EFCAB5: variants seen among roughly 807,000 people sequenced by gnomAD.
The protein encoded by EFCAB5 is EF-hand calcium binding domain 5.
EFCAB5 carries 131 observed loss-of-function variants against 167.9 expected under a neutral mutation model. The observed-to-expected ratio is 0.78, with a 90% CI of 0.68 to 0.90. EFCAB5 has a LOEUF of 0.90. EFCAB5 is among the 40% of genes least tolerant of loss of function. The pLI, the probability that EFCAB5 is intolerant of heterozygous loss-of-function variation, is 0.00. For synonymous variants in EFCAB5, 574 were observed against 602.8 expected (o/e 0.95, Z 0.70); for missense variants, 1,663 against 1,745.2 (o/e 0.95, Z 0.84).
At position 30,054,016 on chromosome 17, in the gene EFCAB5, A is replaced by G. The variant is rs1191514260; in HGVS notation, c.2062A>G (p.Ile688Val). ...ILKSTKYGEP[I>V]TSEYIEVPLQ... Reference sequence around the variant, plus strand: ...AAAAAGTACAAAATATGGGGAACCTATAACCTCTGAGTACATTGAAGTCCC... The same window carrying G: ...AAAAAGTACAAAATATGGGGAACCTGTAACCTCTGAGTACATTGAAGTCCC... Residue 688 changes from isoleucine (I) to valine (V), a missense_variant, in exon 10 of 23, where the codon ATA becomes GTA. Coordinates refer to ENST00000394835, the MANE Select transcript of EFCAB5 (RefSeq NM_198529.4). 3.7e-6 allele frequency: 6 copies of G among 1,609,464 alleles called. No individual in the cohort carries two copies. Among genetic ancestry groups the G allele is most frequent in the Non-Finnish European group, 5.1e-6 (6 of 1,177,358 alleles).
At chr17:29,982,341 G>T (rs1471597112) in intron 4 of EFCAB5, among the ~76,000 whole-genome samples, 1 of 152,014 alleles carries the variant, frequency 6.6e-6, no homozygotes, top group Non-Finnish European at 1.5e-5. Context: ...AGGTTGCAGT[G>T]AGCCAAGCAC....
chr17:30,051,903 T>C (rs1302619129), intron 9 of EFCAB5, among the ~76,000 whole-genome samples: 2 of 152,220 alleles, frequency 1.3e-5, no homozygotes, highest in African/African-American at 4.8e-5. Flanking sequence ...AAGCATTTAC[T>C]TATACAGTAA....
intron 18 of EFCAB5, among the ~76,000 whole-genome samples, chr17:30,086,087 C>T (rs558902541): frequency 5.3e-5 from 8 of 152,152 alleles, no homozygotes; most frequent in Admixed American, 2.0e-4. Context: ...CCTTGAACTC[C>T]GAGACTCAAG....
chr17:30,036,289 CAT>C (rs1387652081), intron 8 of EFCAB5, among the ~76,000 whole-genome samples: 1 of 121,836 alleles, frequency 8.2e-6, no homozygotes, highest in Non-Finnish European at 1.6e-5. Context: ...ATATAATACA[CAT>C]ATATAATATA....
chr17:30,090,047 C>T (rs575326436), intron 19 of EFCAB5, among the ~76,000 whole-genome samples: 67 of 152,322 alleles, frequency 4.4e-4, no homozygotes, highest in Middle Eastern at 3.4e-3. Flanking sequence ...GGGAACCCGA[C>T]CTAACACACT....
intron 4 of EFCAB5, among the ~76,000 whole-genome samples, chr17:29,981,710 T>C (rs1597616387): frequency 6.6e-6 from 1 of 152,192 alleles, no homozygotes; most frequent in African/African-American, 2.4e-5. Context: ...TTTTATTTTA[T>C]TTTTGCTTTT....
chr17:30,050,542 GCCTC>G (rs1184499973), intron 8 of EFCAB5, among the ~76,000 whole-genome samples: 4 of 152,106 alleles, frequency 2.6e-5, no homozygotes, highest in Non-Finnish European at 5.9e-5. Flanking sequence ...ATATCCTCTG[GCCTC>G]AGCCTCTGGA....
rs369007801 is a variant in EFCAB5 at position 29,936,500 on chromosome 17, T to C, written c.-126-5740T>C. Among the ~76,000 whole-genome samples the C allele has an allele frequency of 2.8e-4, 43 of 152,230 alleles. 1 individual carries two copies. The highest frequency in any genetic ancestry group is 9.9e-4 in the African/African-American group (41 of 41,536). On this transcript the variant is annotated intron_variant, in intron 1 of 3. Transcript: ENST00000448319. ...ATCGGGATAGACAAGAAGGAGCAAG[T>C]CTCTTGTCTTCCCTTCAGGTATGGG...
At chr17:30,065,238 G>T (rs574467981) in intron 14 of EFCAB5, among the ~76,000 whole-genome samples, 1 of 152,148 alleles carries the variant, frequency 6.6e-6, no homozygotes, top group East Asian at 1.9e-4. Context: ...AAGGAACAAA[G>T]GATATAGAAA....
upstream of EFCAB5, among the ~76,000 whole-genome samples, chr17:29,940,715 T>C (rs145047762): frequency 3.1e-3 from 465 of 152,288 alleles, 3 homozygotes; most frequent in Non-Finnish European, 1.8e-3. Flanking sequence ...TTTTGGTTTA[T>C]TTAGCTAGAA....
intron 3 of EFCAB5, among the ~76,000 whole-genome samples, chr17:29,960,299 G>A (rs1443595587): frequency 6.6e-6 from 1 of 152,160 alleles, no homozygotes; most frequent in Non-Finnish European, 1.5e-5. Flanking sequence ...ATTGTGATCA[G>A]TCACCTGATT....
At chr17:30,054,272 A>C in intron 10 of EFCAB5, 124 bp downstream of exon 10, 1 of 1,280,124 alleles carries the variant, frequency 7.8e-7, no homozygotes, top group Non-Finnish European at 1.1e-6. Flanking sequence ...TGCAAACCTC[A>C]GGCATATTTT....
chr17:30,018,277 A>G (rs2069096117), intron 7 of EFCAB5, among the ~76,000 whole-genome samples: 1 of 152,056 alleles, frequency 6.6e-6, no homozygotes, highest in Non-Finnish European at 1.5e-5. Context: ...TGTTATTAAA[A>G]CACTGGAAAA....
intron 8 of EFCAB5, among the ~76,000 whole-genome samples, chr17:30,041,178 G>A (rs55633288): frequency 0.51 from 77,763 of 151,646 alleles, 20,325 homozygotes; most frequent in African/African-American, 0.57. Context: ...CTGACAGATC[G>A]AAAGAAAGGA....
chr17:29,987,075 G>A (rs913035663), intron 4 of EFCAB5, among the ~76,000 whole-genome samples: 1 of 152,160 alleles, frequency 6.6e-6, no homozygotes, highest in Non-Finnish European at 1.5e-5. Flanking sequence ...TGTTCTCTGT[G>A]TCAGCCCTTG....
chr17:30,042,165 T>C (rs558129414), intron 8 of EFCAB5, among the ~76,000 whole-genome samples: 1 of 152,146 alleles, frequency 6.6e-6, no homozygotes, highest in African/African-American at 2.4e-5. Flanking sequence ...CGCACCACCA[T>C]GCCCAGCTAA....
intron 22 of EFCAB5, among the ~76,000 whole-genome samples, chr17:30,100,437 G>A (rs772550253): frequency 3.4e-4 from 52 of 152,160 alleles, no homozygotes; most frequent in Non-Finnish European, 6.9e-4. Flanking sequence ...GGAGGCACGG[G>A]CTGCAAATTT....
chr17:30,105,595 C>T (rs764975536), intron 22 of EFCAB5, among the ~76,000 whole-genome samples: 2 of 152,148 alleles, frequency 1.3e-5, no homozygotes, highest in Non-Finnish European at 2.9e-5. Flanking sequence ...TCTAGTATTG[C>T]TCATAAAATG....
At chr17:30,027,152 A>G (rs1597691629) in intron 7 of EFCAB5, among the ~76,000 whole-genome samples, 1 of 150,366 alleles carries the variant, frequency 6.7e-6, no homozygotes, top group Admixed American at 6.6e-5. Flanking sequence ...AGGCCTGGCT[A>G]ATTTTTGTAT....
Sources: allele counts gnomAD v4.1 joint callset (sites outside exome capture counted in the v4.1 genomes callset), GRCh38; gene constraint gnomAD v4.1.1; transcripts MANE v1.5; gene names NCBI Gene and HGNC (gene_info 2026-07-23, HGNC 2026-07-21).